The following GKN2 variants were observed in gnomAD, a reference collection of about 807,000 sequenced individuals.
GKN2 encodes gastrokine 2, also known as gastrokine-2.
A neutral mutation model predicts 22.7 loss-of-function variants in GKN2; 17 were observed. The ratio of observed to expected loss-of-function variants is 0.75; its 90% CI spans 0.51 to 1.13. GKN2 has a LOEUF of 1.13. Ranked by LOEUF, GKN2 falls within the 50% of genes most tolerant of loss-of-function variation. GKN2 has a pLI of 0.00. For synonymous variants in GKN2, 82 were observed against 79.6 expected (o/e 1.03, Z -0.16); for missense variants, 248 against 221.4 (o/e 1.12, Z -0.76).
At chr2:68,949,551 G>A (rs1032725132) in intron 3 of GKN2, among the ~76,000 whole-genome samples, 1 of 151,664 alleles carries the variant, frequency 6.6e-6, no homozygotes, top group African/African-American at 2.4e-5. Flanking sequence ...TCCCAAGTAG[G>A]TGGGACCACA....
chr2:68,949,454 T>G (rs2103892265), intron 3 of GKN2, among the ~76,000 whole-genome samples: 1 of 152,180 alleles, frequency 6.6e-6, no homozygotes, highest in Admixed American at 6.6e-5. Flanking sequence ...GGATCTCGTT[T>G]TGTCACCCAG....
intron 1 of GKN2, among the ~76,000 whole-genome samples, 191 bp downstream of exon 1, chr2:68,952,659 C>T (rs182346543): frequency 6.6e-6 from 1 of 152,164 alleles, no homozygotes; most frequent in Admixed American, 6.5e-5. Context: ...CATCTCAAAA[C>T]AGGAAAAGGA....
rs562024136 is a variant in GKN2, at chr2:68,947,202, T to G, written c.260A>C (p.Asp87Ala). ...SRRACFILKM[D>A]HQNIPPLNNL... ...GTTCAGAGGAGGGATGTTCTGATGG[T>G]CCATCTTCAGGATAAAGCAGGCTCT... Residue 87 changes from aspartate to alanine, a missense_variant, in exon 4 of 6, where the codon GAC becomes GCC. Asp to Ala is a moderately radical substitution (Grantham distance 126). Coordinates refer to ENST00000328895, the MANE Select transcript of GKN2 (RefSeq NM_182536.3). The G allele has an allele frequency of 6.2e-7, 1 of 1,613,998 alleles. No individual in the cohort carries two copies. Among genetic ancestry groups the G allele is most frequent in the Admixed American group, 1.7e-5 (1 of 60,024 alleles).
Position 68,950,869 on chromosome 2 carries a change from C to A in GKN2, c.13-114G>T, listed in dbSNP as rs1235487936. ...ATCTCAGAAAATGTACACCTAGAGA[C>A]ACTGAGTGGCCACAGATGGTCAGCA... On this transcript the variant is annotated intron_variant, in intron 1 of 5. Coordinates refer to ENST00000328895, the MANE Select transcript of GKN2 (RefSeq NM_182536.3). The A allele has an allele frequency of 4.0e-6, 4 of 1,006,866 alleles. No homozygotes were observed. In the African/African-American group the frequency reaches 6.4e-5, roughly 16 times the overall value. 62.4% of individuals were successfully genotyped at this position (1,006,866 alleles called of 1,614,324 possible).
chr2:68,949,667 G>A (rs943261046), intron 3 of GKN2, among the ~76,000 whole-genome samples: 8 of 152,128 alleles, frequency 5.3e-5, no homozygotes, highest in East Asian at 1.9e-4. Context: ...AGATCCTCCC[G>A]CCTCAGACTC....
At chr2:68,947,916 C>T (rs1425308481) in intron 3 of GKN2, among the ~76,000 whole-genome samples, 3 of 152,110 alleles carry the variant, frequency 2.0e-5, no homozygotes, top group Non-Finnish European at 4.4e-5. Flanking sequence ...ATTCTGCTTC[C>T]TCCCCAGTTT....
At chr2:68,952,080 A>C (rs1445750035) in intron 1 of GKN2, among the ~76,000 whole-genome samples, 2 of 152,250 alleles carry the variant, frequency 1.3e-5, no homozygotes, top group Non-Finnish European at 2.9e-5. Context: ...AGCGAATTCC[A>C]TTCTAGGTCA....
rs1553423227 is a variant in GKN2, at chr2:68,948,257, A to AAAC, written c.205-1001_205-1000insGTT. Among the ~76,000 whole-genome samples the AAAC allele has an allele frequency of 1.3e-3, 172 of 132,270 alleles. 7 individuals are homozygous for AAAC. Among genetic ancestry groups the AAAC allele is most frequent in the East Asian group, 8.3e-3 (39 of 4,704 alleles). The allele number at this position is 132,270 out of a possible 152,430, so 86.8% of individuals were successfully genotyped here. A position where few individuals can be genotyped will look rare whatever the true frequency, so the allele number is the denominator to read the frequency against. On this transcript the variant is annotated intron_variant, in intron 3 of 5. Coordinates refer to ENST00000328895, the MANE Select transcript of GKN2 (RefSeq NM_182536.3). ...CGAGACTCCGTCAAAAAAAAAAAAC[A>AAAC]AAAAAAAAAAACTGTGCTGTCCAAT...
intron 1 of GKN2, 91 bp downstream of exon 1, chr2:68,952,759 T>C (rs1430057884): frequency 1.2e-5 from 16 of 1,363,060 alleles, no homozygotes; most frequent in Middle Eastern, 1.8e-4. Context: ...AGTATCTGTC[T>C]AAGACTCCCA....
chr2:68,952,277 A>T (rs534435234), intron 1 of GKN2, among the ~76,000 whole-genome samples: 2 of 152,322 alleles, frequency 1.3e-5, no homozygotes, highest in East Asian at 3.9e-4. Context: ...GGGGATTCAG[A>T]TGGATAAATT....
At chr2:68,951,726 C>T (rs186282508) in intron 1 of GKN2, among the ~76,000 whole-genome samples, 1 of 152,316 alleles carries the variant, frequency 6.6e-6, no homozygotes, top group East Asian at 1.9e-4. Flanking sequence ...TTACCACAGA[C>T]CAGCTCCAGC....
At chr2:68,950,612 T>A in intron 2 of GKN2, 90 bp downstream of exon 2, 1 of 1,120,380 alleles carries the variant, frequency 8.9e-7, no homozygotes, top group South Asian at 1.3e-5. Flanking sequence ...ATAAGGCATA[T>A]GGCCTCTCTA....
At chr2:68,945,591 T>C in intron 5 of GKN2, 141 bp from the exon 6 acceptor site, 1 of 598,570 alleles carries the variant, frequency 1.7e-6, no homozygotes, top group South Asian at 2.5e-5. Flanking sequence ...ATTATGCCAT[T>C]CTGTGTCAAT....
In GKN2 at chr2:68,945,381, T is replaced by TCTG; in HGVS notation, c.539_541dup (p.Ala180dup). The TCTG allele has an allele frequency of 1.2e-6, 2 of 1,610,932 alleles. No homozygotes were observed. On this transcript the variant is annotated inframe_insertion, in exon 6 of 6. Transcript: ENST00000328895. ...GGGCTAATCATCCTAAACATGAATG[T>TCTG]CTGCACAGATTGAAATTCCCAAGAT...
rs1669836488 is a variant in GKN2, at chr2:68,950,247, C to A, written c.83G>T (p.Ser28Ile). 3 of 1,609,252 alleles carry A rather than the reference C, an allele frequency of 1.9e-6. No homozygotes were observed. The highest frequency in any genetic ancestry group is 4.5e-5 in the East Asian group (2 of 44,806). Residue 28 changes from serine to isoleucine, a missense_variant, in exon 3 of 6, where the codon AGC (serine) becomes ATC (isoleucine). Coordinates refer to ENST00000328895, the MANE Select transcript of GKN2 (RefSeq NM_182536.3). ...AACATTGCCACCATTGTTGCTTGGG[C>A]TGATGATGTTAAAAACCTAGATTGA... ...SHGYEVFNII[S>I]PSNNGGNVQE...
Position 68,946,401 on chromosome 2 carries a change from A to T in GKN2, c.375T>A (p.Ser125=). The T allele has an allele frequency of 6.2e-7, 1 of 1,613,972 alleles. No individual in the cohort carries two copies. Residue 125 remains serine, a synonymous_variant, in exon 5 of 6, where the codon TCT becomes TCA. Transcript: ENST00000328895. ...YTWVKYNPLE[S]LIKDVDWFLL... is the part of the protein sequence containing the mutation. ...GGAACCAATCCACGTCTTTGATCAG[A>T]GACTCCAGAGGGTTGTACTTGACCC...
At position 68,947,229 on chromosome 2, in the gene GKN2, C is replaced by T. The variant is rs1669784380; in HGVS notation, c.233G>A (p.Arg78Gln). ...CATCTTCAGGATAAAGCAGGCTCTTCGGGAGAGCACCCTGGATGCAATGTA... is the reference window on the plus strand; with the variant it reads ...CATCTTCAGGATAAAGCAGGCTCTTTGGGAGAGCACCCTGGATGCAATGTA... Reference protein sequence around the residue: ...HGYIASRVLSRRACFILKMDH... With the variant: ...HGYIASRVLSQRACFILKMDH... The change falls in exon 4 of 6, where the codon CGA (arginine) becomes CAA (glutamine). Residue 78 changes from arginine (R) to glutamine (Q), a missense_variant. Transcript: ENST00000328895. 5 of 1,613,542 alleles carry T rather than the reference C, an allele frequency of 3.1e-6. No individual in the cohort carries two copies. Among genetic ancestry groups the T allele is most frequent in the South Asian group, 1.1e-5 (1 of 91,078 alleles).
intron 1 of GKN2, 133 bp from the exon 2 acceptor site, chr2:68,950,888 G>A: frequency 1.2e-6 from 1 of 813,340 alleles, no homozygotes; most frequent in Non-Finnish European, 2.1e-6. Flanking sequence ...GCCACAGATG[G>A]TCAGCACTCC....
intron 3 of GKN2, among the ~76,000 whole-genome samples, chr2:68,948,823 TAGAC>T (rs778732075): frequency 1.1e-4 from 17 of 152,196 alleles, no homozygotes; most frequent in Non-Finnish European, 1.5e-4. Context: ...ATTCAAAAAA[TAGAC>T]AGAGGCTGAG....
Sources: allele counts gnomAD v4.1 joint callset (sites outside exome capture counted in the v4.1 genomes callset), GRCh38; gene constraint gnomAD v4.1.1; transcripts MANE v1.5; gene names NCBI Gene and HGNC (gene_info 2026-07-23, HGNC 2026-07-21).